The following MTUS1 variants were observed in gnomAD, a reference collection of about 807,000 sequenced individuals.
MTUS1 encodes the protein microtubule-associated tumor suppressor 1.
In MTUS1, 109 loss-of-function variants were observed where a neutral mutation model predicts 120.8. The observed-to-expected ratio is 0.90, with a 90% CI of 0.77 to 1.06. The LOEUF (loss-of-function observed/expected upper bound fraction) is 1.06. Ranked by LOEUF, MTUS1 falls within the 50% of genes least tolerant of loss-of-function variation. MTUS1 has a pLI of 0.00. For synonymous variants in MTUS1, 737 were observed against 550.5 expected, an observed-to-expected ratio of 1.34 and a Z score of -4.74; for missense variants, 2,210 against 1,486.3, an observed-to-expected ratio of 1.49 and a Z score of -8.01.
At chr8:17,744,477 G>A (rs905074118) in intron 2 of MTUS1, among the ~76,000 whole-genome samples, 2 of 152,020 alleles carry the variant, frequency 1.3e-5, no homozygotes, top group Admixed American at 1.3e-4. Context: ...CTGGAGTGTA[G>A]TGGCATGATC....
intron 6 of MTUS1, chr8:17,697,228 C>G: frequency 1.3e-6 from 2 of 1,585,574 alleles, no homozygotes; most frequent in South Asian, 2.3e-5. Flanking sequence ...CCCCGTGCAA[C>G]ACTAAACAGA....
chr8:17,703,576 C>G (rs148352180), intron 6 of MTUS1, among the ~76,000 whole-genome samples: 6,311 of 150,844 alleles, frequency 0.042, 154 homozygotes, highest in Middle Eastern at 0.065. Flanking sequence ...TTGCAGTGAG[C>G]CGAGATCGCG....
Position 17,684,257 on chromosome 8 carries a change from G to A in MTUS1, c.2838+71C>T, listed in dbSNP as rs180909453. 1,286 of 1,072,588 alleles carry A rather than the reference G, an allele frequency of 1.2e-3. 11 individuals are homozygous for A. In the African/African-American group the frequency reaches 0.016, roughly 14 times the overall value. 66.4% of individuals were successfully genotyped at this position (1,072,588 alleles called of 1,614,324 possible). A position where few individuals can be genotyped will look rare whatever the true frequency, so the allele number is the denominator to read the frequency against. The stretch of plus-strand genomic sequence containing the variant: ...TTACCTAGATATTCCCAAGGCCAGC[G>A]TGTGAGCAAGTCCTCCCCGTGCTCC... On this transcript the variant is annotated intron_variant, in intron 7 of 14. Coordinates refer to ENST00000693296, the MANE Select transcript of MTUS1 (RefSeq NM_001363059.2).
At position 17,801,070 on chromosome 8, in the gene MTUS1, C is replaced by T. The variant is rs2052646105; in HGVS notation, c.-164G>A. ...TCCAGCGCGCACTTACCCGCAGCTC[C>T]TTCAAGCGCTCCGGGAGCAAAGACG... On this transcript the variant is annotated 5_prime_UTR_variant, in exon 1 of 15. Transcript: ENST00000693296. Among the ~76,000 whole-genome samples the T allele has an allele frequency of 1.3e-5, 2 of 152,096 alleles. No homozygotes were observed. Among genetic ancestry groups the T allele is most frequent in the Admixed American group, 6.5e-5 (1 of 15,284 alleles).
intron 7 of MTUS1, among the ~76,000 whole-genome samples, chr8:17,683,621 T>C (rs538988012): frequency 6.6e-6 from 1 of 152,118 alleles, no homozygotes; most frequent in Admixed American, 6.5e-5. Context: ...TGCATTATCA[T>C]GTATAGCCAT....
chr8:17,661,724 G>T (rs1809748098), intron 8 of MTUS1, among the ~76,000 whole-genome samples: 1 of 151,954 alleles, frequency 6.6e-6, no homozygotes, highest in South Asian at 2.1e-4. Context: ...AAAGAGAAAG[G>T]GAGAAAATGG....
At chr8:17,722,042 TAAACCAGCTAGC>T (rs1318544642) in intron 4 of MTUS1, 1 of 1,314,682 alleles carries the variant, frequency 7.6e-7, no homozygotes, top group Non-Finnish European at 9.7e-7. Context: ...CAAAACAGAT[TAAACCAGCTAGC>T]AAATCAAACT....
chr8:17,754,816 T>A lies in MTUS1; in HGVS notation c.992A>T (p.Lys331Met). Reference protein sequence around the residue: ...EPHSQSSYRHKEMGQNLRETV... With the variant: ...EPHSQSSYRHMEMGQNLRETV... ...CTCTCTCAGATTTTGGCCCATTTCC[T>A]TGTGCCTGTATGAGCTCTGTGAATG... The change falls in exon 2 of 15, where the codon AAG becomes ATG. Residue 331 changes from lysine (K) to methionine (M), a missense_variant. Coordinates refer to ENST00000693296, the MANE Select transcript of MTUS1 (RefSeq NM_001363059.2). 6.2e-7 allele frequency: 1 copy of A among 1,614,256 alleles called. No homozygotes were observed. Among genetic ancestry groups the A allele is most frequent in the Non-Finnish European group, 8.5e-7 (1 of 1,180,036 alleles).
chr8:17,678,572 C>T (rs1813594368), intron 7 of MTUS1, among the ~76,000 whole-genome samples: 1 of 152,136 alleles, frequency 6.6e-6, no homozygotes, highest in African/African-American at 2.4e-5. Flanking sequence ...GAGCATCTTG[C>T]AGAGAATAGC....
chr8:17,704,227 C>T (rs79301663), intron 6 of MTUS1: 6,458 of 152,202 alleles, frequency 0.042, 161 homozygotes, highest in Middle Eastern at 0.065. Context: ...ATGTTTTCTC[C>T]TATCTCATAG....
In MTUS1 at chr8:17,695,991, T is replaced by C. The variant is rs141752608; in HGVS notation, c.2624-11449A>G. Among the ~76,000 whole-genome samples the C allele has an allele frequency of 7.2e-3, 1,098 of 152,280 alleles. 11 individuals are homozygous for C. Among genetic ancestry groups the C allele is most frequent in the African/African-American group, 0.025 (1,034 of 41,560 alleles). On this transcript the variant is annotated intron_variant, in intron 6 of 14. Transcript: ENST00000693296. ...TTAACTTGGAGCGTGGATTACAGTA[T>C]TTTTAAAAGAACTCTTTAAAATTAA...
At chr8:17,675,703 A>G (rs975989033) in intron 7 of MTUS1, among the ~76,000 whole-genome samples, 2 of 152,248 alleles carry the variant, frequency 1.3e-5, no homozygotes, top group African/African-American at 4.8e-5. Context: ...GTTTCGTTAC[A>G]ATGCCAATCC....
chr8:17,756,675 C>CG lies in MTUS1; in HGVS notation c.-154-715_-154-714insC, dbSNP rs1189242620. Among the ~76,000 whole-genome samples, 33 of 54,558 alleles carry CG rather than the reference C, an allele frequency of 6.0e-4. 1 individual carries two copies. The highest frequency in any genetic ancestry group is 1.5e-3 in the African/African-American group (28 of 18,340). The allele number at this position is 54,558 out of a possible 152,430, so 35.8% of individuals were successfully genotyped here. A position where few individuals can be genotyped will look rare whatever the true frequency, so the allele number is the denominator to read the frequency against. On this transcript the variant is annotated intron_variant, in intron 1 of 14. Transcript: ENST00000693296. ...CAATTCATATGTCAAGCCCAAACCCCCACCCCTTATGTAACTATGTTGGAG... is the reference window on the plus strand; with the variant it reads ...CAATTCATATGTCAAGCCCAAACCCCGCACCCCTTATGTAACTATGTTGGAG...
At chr8:17,704,429 ATC>A (rs1218638459) in intron 6 of MTUS1, among the ~76,000 whole-genome samples, 2 of 152,134 alleles carry the variant, frequency 1.3e-5, no homozygotes, top group Non-Finnish European at 2.9e-5. Flanking sequence ...TCTTTAATCC[ATC>A]TCGAGTTGAT....
chr8:17,738,212 C>A (rs551029612), intron 3 of MTUS1, among the ~76,000 whole-genome samples: 2 of 152,192 alleles, frequency 1.3e-5, no homozygotes, highest in Non-Finnish European at 2.9e-5. Flanking sequence ...TCTTCACCGA[C>A]CCACCCCTGG....
chr8:17,773,654 G>C (rs62498369), intron 1 of MTUS1, among the ~76,000 whole-genome samples: 35,171 of 152,022 alleles, frequency 0.23, 4,181 homozygotes, highest in African/African-American at 0.3. Context: ...TCTCTTCTTA[G>C]GAAGCCACCA....
rs2051075752 is a variant in MTUS1, at chr8:17,783,722, T to C, written c.-155+17339A>G. On this transcript the variant is annotated intron_variant, in intron 1 of 14. Transcript: ENST00000693296. ...TATTGGTGACAGCCTTTACAATCAC[T>C]GGTATCTGAAGCTCAAGCAAGACAG... Among the ~76,000 whole-genome samples, 3 of 152,256 alleles carry C rather than the reference T, an allele frequency of 2.0e-5. No individual in the cohort carries two copies. The South Asian group carries it at 6.2e-4, about 32-fold the overall frequency.
chr8:17,697,778 A>G (rs1818272924), intron 6 of MTUS1: 2 of 971,144 alleles, frequency 2.1e-6, no homozygotes, highest in South Asian at 9.5e-5. Context: ...CAGATCCTGT[A>G]ACCACTTGAA....
chr8:17,720,395 T>A (rs529177821), intron 4 of MTUS1, among the ~76,000 whole-genome samples: 1 of 151,772 alleles, frequency 6.6e-6, no homozygotes, highest in Admixed American at 6.6e-5. Flanking sequence ...GGTCCAAGGT[T>A]AGTGCCCTTT....
Sources: allele counts gnomAD v4.1 joint callset (sites outside exome capture counted in the v4.1 genomes callset), GRCh38; gene constraint gnomAD v4.1.1; transcripts MANE v1.5; gene names NCBI Gene and HGNC (gene_info 2026-07-23, HGNC 2026-07-21).